Variants in KIF3B observed in about 807,000 individuals in gnomAD.
KIF3B encodes kinesin-like protein KIF3B.
A neutral mutation model predicts 74.3 loss-of-function variants in KIF3B; 38 were observed. The observed-to-expected ratio is 0.51, with a 90% confidence interval of 0.39 to 0.67. The LOEUF (loss-of-function observed/expected upper bound fraction) is 0.67. Among genes scored for constraint, KIF3B ranks in the 30% least tolerant of loss-of-function variants. KIF3B has a pLI of 0.00. For synonymous variants in KIF3B, 326 were observed against 342.5 expected (o/e 0.95, Z 0.53); for missense variants, 649 against 932.0 (o/e 0.70, Z 3.95).
At chr20:32,288,824 G>A (rs560096178) in intron 1 of KIF3B, among the ~76,000 whole-genome samples, 2 of 152,058 alleles carry the variant, frequency 1.3e-5, no homozygotes, top group Admixed American at 1.3e-4. Flanking sequence ...TTATAACATT[G>A]GACAATGAGC....
At position 32,330,220 on chromosome 20, in the gene KIF3B, A is replaced by G; in HGVS notation, c.2048A>G (p.Lys683Arg). The G allele has an allele frequency of 6.2e-7, 1 of 1,614,134 alleles. No homozygotes were observed. The change falls in exon 8 of 9, where the codon AAG (lysine) becomes AGG (arginine). Residue 683 changes from lysine (K) to arginine (R), a missense_variant. Lys to Arg is a conservative substitution (Grantham distance 26, BLOSUM62 2). Around this residue, in one of 4 missense-constraint regions of KIF3B, gnomAD observed 186 missense variants for 198.5 expected, o/e 0.94. Coordinates refer to ENST00000375712, the MANE Select transcript of KIF3B (RefSeq NM_004798.4). ...RDYEGPAIAP[K>R]VQAALDAALQ... ...TATGAGGGTCCAGCCATTGCCCCCA[A>G]GGTCCAGGCTGCATTGGATGCGGCT...
chr20:32,310,302 T>C lies in KIF3B; in HGVS notation c.525T>C (p.Tyr175=). Residue 175 remains tyrosine, a synonymous_variant, in exon 2 of 9, where the codon TAT becomes TAC. Transcript: ENST00000375712. The surrounding 1 kb of genome is among the most constrained non-coding windows in gnomAD (Gnocchi z 6.5). ...AAGAGAGGCCTGACACAGGAGTGTA[T>C]GTGAAAGACCTGTCTTCCTTTGTCA... The part of the protein sequence containing the change: ...ELKERPDTGV[Y]VKDLSSFVTK... The C allele has an allele frequency of 1.2e-6, 2 of 1,613,868 alleles. No individual in the cohort carries two copies. Among genetic ancestry groups the C allele is most frequent in the Non-Finnish European group, 1.7e-6 (2 of 1,179,868 alleles).
At chr20:32,292,297 G>A (rs1438085301) in intron 1 of KIF3B, among the ~76,000 whole-genome samples, 3 of 152,182 alleles carry the variant, frequency 2.0e-5, no homozygotes, top group Admixed American at 6.6e-5. Context: ...GGAGCTGGAC[G>A]TAGTGGCTCA....
chr20:32,304,705 A>T (rs905283868), intron 1 of KIF3B, among the ~76,000 whole-genome samples: 3 of 152,192 alleles, frequency 2.0e-5, no homozygotes, highest in Admixed American at 1.3e-4. Flanking sequence ...ATAAATGTGT[A>T]TTAATACATA....
Position 32,331,308 on chromosome 20 carries a change from G to T in KIF3B, c.2233G>T (p.Val745Phe). 6.2e-7 allele frequency: 1 copy of T among 1,608,836 alleles called. No individual in the cohort carries two copies. Among genetic ancestry groups the T allele is most frequent in the South Asian group, 1.1e-5 (1 of 90,598 alleles). The change falls in exon 9 of 9, where the codon GTT (valine) becomes TTT (phenylalanine). Residue 745 changes from valine (V) to phenylalanine (F), a missense_variant. By Grantham distance (50) the Val-to-Phe change is conservative. Around this residue, in one of 4 missense-constraint regions of KIF3B, gnomAD observed 186 missense variants for 198.5 expected, o/e 0.94. Transcript: ENST00000375712. Reference protein sequence around the residue: ...SQLYPQSRGLVPK With the variant: ...SQLYPQSRGLFPK ...GCTTTATCCACAGTCTCGGGGGCTGGTTCCAAAGTAAAGCCAGCTTCTCCT... is the reference window on the plus strand; with the variant it reads ...GCTTTATCCACAGTCTCGGGGGCTGTTTCCAAAGTAAAGCCAGCTTCTCCT...
At chr20:32,299,399 ATATAT>A (rs1193140674) in intron 1 of KIF3B, among the ~76,000 whole-genome samples, 5 of 31,766 alleles carry the variant, frequency 1.6e-4, no homozygotes, top group African/African-American at 9.5e-4. Context: ...ATATATATAT[ATATAT>A]TTTTTTTTTT....
intron 5 of KIF3B, among the ~76,000 whole-genome samples, chr20:32,317,480 A>G (rs868659686): frequency 9.2e-5 from 14 of 152,060 alleles, no homozygotes; most frequent in Admixed American, 3.9e-4. Flanking sequence ...TATTGTGACA[A>G]TTTTCTGAAT....
At chr20:32,299,676 T>C (rs2047734159) in intron 1 of KIF3B, among the ~76,000 whole-genome samples, 1 of 151,330 alleles carries the variant, frequency 6.6e-6, no homozygotes, top group Non-Finnish European at 1.5e-5. Flanking sequence ...CCTCCCAAAG[T>C]GCTGGGATTA....
chr20:32,285,653 C>G (rs73239247), intron 1 of KIF3B, among the ~76,000 whole-genome samples: 4,688 of 152,180 alleles, frequency 0.031, 268 homozygotes, highest in African/African-American at 0.11. Context: ...CTCTGTCTTG[C>G]GCATACATAT....
intron 1 of KIF3B, among the ~76,000 whole-genome samples, chr20:32,303,871 AAAAG>A (rs1234298483): frequency 2.0e-5 from 3 of 151,526 alleles, no homozygotes; most frequent in South Asian, 2.1e-4. Flanking sequence ...AAAAAAAAAA[AAAAG>A]AAAGAAAAAG....
intron 1 of KIF3B, among the ~76,000 whole-genome samples, chr20:32,290,911 C>T (rs1462287591): frequency 6.6e-6 from 1 of 151,282 alleles, no homozygotes; most frequent in East Asian, 1.9e-4. Flanking sequence ...ATAGTGCATA[C>T]ATGGAATGGA....
chr20:32,300,312 C>G lies in KIF3B; in HGVS notation c.-65-9401C>G, dbSNP rs140843208. Among the ~76,000 whole-genome samples the G allele has an allele frequency of 8.2e-3, 1,248 of 152,060 alleles. 57 individuals are homozygous for G. The highest frequency in any genetic ancestry group is 0.073 in the Admixed American group (1,108 of 15,262). ...TTTTTTTTTGAGACAGAGTCTCTCT[C>G]TGTCGCCCGGGCTGGAGTGCAGTGG... On this transcript the variant is annotated intron_variant, in intron 1 of 8. Coordinates refer to ENST00000375712, the MANE Select transcript of KIF3B (RefSeq NM_004798.4).
rs1453845416 is a variant in KIF3B, at chr20:32,310,187, A to G, written c.410A>G (p.Gln137Arg). The change falls in exon 2 of 9, where the codon CAA becomes CGA. Residue 137 changes from glutamine (Q) to arginine (R), a missense_variant. Physicochemically the swap from Gln to Arg is conservative, Grantham distance 43 (BLOSUM62 1). Transcript: ENST00000375712. The surrounding 1 kb of genome is among the most constrained non-coding windows in gnomAD (Gnocchi z 6.5). Reference sequence around the variant, plus strand: ...CACATCTCTCGATCCCAGAATCAACAATACCTGGTCAGGGCTTCTTACTTA... The same window carrying G: ...CACATCTCTCGATCCCAGAATCAACGATACCTGGTCAGGGCTTCTTACTTA... ...FTHISRSQNQQYLVRASYLEI... is the reference protein window; with the variant it reads ...FTHISRSQNQRYLVRASYLEI... The G allele has an allele frequency of 6.2e-7, 1 of 1,613,468 alleles. No individual in the cohort carries two copies. Among genetic ancestry groups the G allele is most frequent in the Non-Finnish European group, 8.5e-7 (1 of 1,179,422 alleles).
At chr20:32,316,365 G>C (rs1174529261) in intron 3 of KIF3B, 46 bp downstream of exon 3, 34 of 1,540,634 alleles carry the variant, frequency 2.2e-5, no homozygotes, top group Non-Finnish European at 3.0e-5. Flanking sequence ...GGTAAGGTGT[G>C]TTTATGCTGC....
rs1569211058 is a variant in KIF3B, at chr20:32,327,575, C to T, written c.1882C>T (p.Arg628Trp). The T allele has an allele frequency of 6.2e-7, 1 of 1,613,190 alleles. No homozygotes were observed. The highest frequency in any genetic ancestry group is 1.1e-5 in the South Asian group (1 of 91,060). The change falls in exon 7 of 9, where the codon CGG (arginine) becomes TGG (tryptophan). Residue 628 changes from arginine to tryptophan, a missense_variant. This residue lies in a region of KIF3B where 186 missense variants were observed against 198.5 expected (regional missense o/e 0.94). Transcript: ENST00000375712. ...TRLENQQMMK[R>W]PVSAVGYKRP... ...TTCCAGGAACCAGCAGATGATGAAG[C>T]GGCCAGTCTCAGCCGTGGGATATAA...
chr20:32,306,268 T>A (rs1026104976), intron 1 of KIF3B, among the ~76,000 whole-genome samples: 1 of 151,544 alleles, frequency 6.6e-6, no homozygotes, highest in Non-Finnish European at 1.5e-5. Flanking sequence ...TGGTGGCATG[T>A]GCCTGTAATC....
Position 32,309,998 on chromosome 20 carries a change from A to T in KIF3B, c.221A>T (p.Asp74Val), listed in dbSNP as rs771753118. Residue 74 changes from aspartate (D) to valine (V), a missense_variant, in exon 2 of 9, where the codon GAT (aspartate) becomes GTT (valine). By Grantham distance (152) the Asp-to-Val change is radical. Transcript: ENST00000375712. ...AATGCCAAGCAGTTTGAACTGTACG[A>T]TGAGACGTTCCGACCACTTGTTGAC... ...DWNAKQFELY[D>V]ETFRPLVDSV... 14 of 1,614,156 alleles carry T rather than the reference A, an allele frequency of 8.7e-6. No individual in the cohort carries two copies. In the South Asian group the frequency reaches 1.5e-4, roughly 18 times the overall value.
intron 1 of KIF3B, among the ~76,000 whole-genome samples, chr20:32,305,570 C>CTTTTTTTTTTTTTTT (rs869049527): frequency 2.1e-4 from 18 of 86,908 alleles, no homozygotes; most frequent in African/African-American, 5.7e-4. Flanking sequence ...ACTCCCCCAC[C>CTTTTTTTTTTTTTTT]TTTTTTTTTT....
At position 32,327,632 on chromosome 20, in the gene KIF3B, A is replaced by G. The variant is rs749321283; in HGVS notation, c.1939A>G (p.Met647Val). 1.6e-5 allele frequency: 26 copies of G among 1,613,252 alleles called. No individual in the cohort carries two copies. The highest frequency in any genetic ancestry group is 2.0e-5 in the Non-Finnish European group (24 of 1,179,694). ...ATTGAGCCAGCACGCAAGAATGTCC[A>G]TGATGATTCGTCCAGAGGCCCGATA... ...RPLSQHARMS[M>V]MIRPEARYRA... The change falls in exon 7 of 9, where the codon ATG (methionine) becomes GTG (valine). Residue 647 changes from methionine to valine, a missense_variant. Coordinates refer to ENST00000375712, the MANE Select transcript of KIF3B (RefSeq NM_004798.4).
Sources: allele counts gnomAD v4.1 joint callset (sites outside exome capture counted in the v4.1 genomes callset), GRCh38; gene constraint gnomAD v4.1.1; regional missense constraint gnomAD v4.1.1; non-coding constraint Gnocchi (gnomAD v3.1); transcripts MANE v1.5; gene names NCBI Gene and HGNC (gene_info 2026-07-23, HGNC 2026-07-21).